LRRC56: variants seen among roughly 807,000 people sequenced by gnomAD.
The protein encoded by LRRC56 is leucine-rich repeat-containing protein 56.
In LRRC56, 41 loss-of-function variants were observed where a neutral mutation model predicts 47.8. That is an observed-to-expected ratio of 0.86 (90% CI 0.67 to 1.11). LRRC56 has a LOEUF of 1.11. Ranked by LOEUF, LRRC56 falls within the 50% of genes most tolerant of loss-of-function variation. The pLI, the probability that LRRC56 is intolerant of heterozygous loss-of-function variation, is 0.00. For missense variants in LRRC56, 759 were observed against 704.2 expected (o/e 1.08, Z -0.88); for synonymous variants, 387 against 311.2 (o/e 1.24, Z -2.56).
At chr11:525,056 G>A in the LRRC56 span, among the ~76,000 whole-genome samples, 11 of 147,818 alleles carry the variant, frequency 7.4e-5, no homozygotes, top group East Asian at 1.8e-3. Flanking sequence ...AGATCTCACC[G>A]CTGCACTCCA....
the LRRC56 span, among the ~76,000 whole-genome samples, chr11:509,391 G>T: frequency 7.7e-4 from 118 of 152,340 alleles, no homozygotes; most frequent in Non-Finnish European, 1.4e-3. Context: ...TAAGAGTGAA[G>T]AAAATGTTTA....
upstream of LRRC56, chr11:532,833 C>A (rs959690532): frequency 6.9e-7 from 1 of 1,457,000 alleles, no homozygotes; most frequent in South Asian, 1.1e-5. Context: ...GCTGTGGGAT[C>A]AAGCCTTGCC....
Position 540,664 on chromosome 11 carries a change from C to T in LRRC56, c.-11-10C>T, listed in dbSNP as rs1373807046. 1 of 1,610,156 alleles carries T rather than the reference C, an allele frequency of 6.2e-7. No individual in the cohort carries two copies. Among genetic ancestry groups the T allele is most frequent in the Non-Finnish European group, 8.5e-7 (1 of 1,178,560 alleles). ...CAGCGTGGAGCTTTGCACTGTGCCT[C>T]TGTCAGCAGGTGACATGTGAATGGA... is the stretch of plus-strand genomic sequence containing the variant. On this transcript the variant is annotated splice_polypyrimidine_tract_variant and intron_variant, in intron 3 of 13. Coordinates refer to ENST00000270115, the MANE Select transcript of LRRC56 (RefSeq NM_198075.4).
rs754073363 is a variant in LRRC56 at position 550,086 on chromosome 11, C to T, written c.438C>T (p.Ser146=). 3 of 1,612,676 alleles carry T rather than the reference C, an allele frequency of 1.9e-6. No individual in the cohort carries two copies. The South Asian group carries it at 3.3e-5, about 18-fold the overall frequency. ...GCGCTGCCCAGGAACTCTACGCCTC[C>T]TACAACAACATCTCGGACCTGAGCC... is the stretch of plus-strand genomic sequence containing the variant. ...SLPALKELYA[S]YNNISDLSPL... The change falls in exon 8 of 14, where the codon TCC becomes TCT. Residue 146 remains serine (S), a synonymous_variant. Transcript: ENST00000270115.
Position 539,550 on chromosome 11 carries a change from A to AT in LRRC56, c.-158-11dup, listed in dbSNP as rs5789201. The AT allele has an allele frequency of 4.6e-3, 600 of 129,522 alleles. 4 individuals are homozygous for AT. The highest frequency in any genetic ancestry group is 0.026 in the Middle Eastern group (6 of 228). The allele number at this position is 129,522 out of a possible 1,614,324, so 8.0% of individuals were successfully genotyped here. A position where few individuals can be genotyped will look rare whatever the true frequency, so the allele number is the denominator to read the frequency against. On this transcript the variant is annotated intron_variant, in intron 2 of 13. Transcript: ENST00000270115. Reference sequence around the variant, plus strand: ...CAGGCACCTGCCACCACGCCAGCTAATTTTTTTTTTTTTTTTTTTGTATTT... The same window carrying AT: ...CAGGCACCTGCCACCACGCCAGCTAATTTTTTTTTTTTTTTTTTTTGTATTT...
chr11:552,784 A>C, intron 13 of LRRC56, 82 bp downstream of exon 13: 4 of 1,224,222 alleles, frequency 3.3e-6, no homozygotes, highest in Non-Finnish European at 4.6e-6. Context: ...ACCCCAGATC[A>C]GATGTGTCAA....
chr11:506,537 C>T, the LRRC56 span: 1 of 152,244 alleles, frequency 6.6e-6, no homozygotes, highest in Non-Finnish European at 1.5e-5. Context: ...CCCCGGTGGT[C>T]CCGGAGCGAA....
Position 551,726 on chromosome 11 carries a change from G to A in LRRC56, c.872G>A (p.Arg291Lys). The change falls in exon 10 of 14, where the codon AGG becomes AAG. Residue 291 changes from arginine to lysine, a missense_variant. Coordinates refer to ENST00000270115, the MANE Select transcript of LRRC56 (RefSeq NM_198075.4). ...CCTGAGACGCAGTCCCGGGCCTCCA[G>A]GCCCTGGCCCTTCTCCCTGCTGGTC... ...SLPETQSRAS[R>K]PWPFSLLVRG... is the part of the protein sequence containing the mutation. The A allele has an allele frequency of 6.2e-7, 1 of 1,611,548 alleles. No individual in the cohort carries two copies. Among genetic ancestry groups the A allele is most frequent in the Non-Finnish European group, 8.5e-7 (1 of 1,179,264 alleles).
At position 554,459 on chromosome 11, in the gene LRRC56, G is replaced by C. The variant is rs909506787; in HGVS notation, c.*183G>C. 4 of 513,088 alleles carry C rather than the reference G, an allele frequency of 7.8e-6. No individual in the cohort carries two copies. The Admixed American group carries it at 1.6e-4, about 20-fold the overall frequency. 31.8% of individuals were successfully genotyped at this position (513,088 alleles called of 1,614,324 possible). ...CCAGCCAGGGAGGCAGCAGAGGCTG[G>C]AACCCAGTTTAGGCCCCCAACTGGG... On this transcript the variant is annotated 3_prime_UTR_variant, in exon 14 of 14. Coordinates refer to ENST00000270115, the MANE Select transcript of LRRC56 (RefSeq NM_198075.4).
rs1447892390 is a variant in LRRC56 at position 550,087 on chromosome 11, T to G, written c.439T>G (p.Tyr147Asp). The change falls in exon 8 of 14, where the codon TAC becomes GAC. Residue 147 changes from tyrosine (Y) to aspartate (D), a missense_variant. Tyr to Asp is a radical substitution (Grantham distance 160). Coordinates refer to ENST00000270115, the MANE Select transcript of LRRC56 (RefSeq NM_198075.4). ...CGCTGCCCAGGAACTCTACGCCTCC[T>G]ACAACAACATCTCGGACCTGAGCCC... ...LPALKELYAS[Y>D]NNISDLSPLC... 9.3e-6 allele frequency: 15 copies of G among 1,612,532 alleles called. No individual in the cohort carries two copies. The highest frequency in any genetic ancestry group is 1.3e-5 in the Non-Finnish European group (15 of 1,179,334).
At chr11:534,930 G>A (rs936796843), upstream of LRRC56, among the ~76,000 whole-genome samples, 6 of 152,250 alleles carry the variant, frequency 3.9e-5, no homozygotes, top group Admixed American at 3.3e-4. Flanking sequence ...AGCTGGAGAA[G>A]ACAGAGGAGC....
intron 6 of LRRC56, among the ~76,000 whole-genome samples, chr11:546,834 C>T (rs1201410828): frequency 6.6e-6 from 1 of 151,840 alleles, no homozygotes; most frequent in Non-Finnish European, 1.5e-5. Flanking sequence ...AGGCGGATCA[C>T]GAGGTCAGGA....
At chr11:532,764 G>A (rs763872424), upstream of LRRC56, 2 of 1,612,070 alleles carry the variant, frequency 1.2e-6, no homozygotes, top group Non-Finnish European at 1.7e-6. Context: ...CCCTGGGAAA[G>A]GAGGGATGGG....
chr11:532,794 T>C, upstream of LRRC56: 2 of 1,603,004 alleles, frequency 1.2e-6, no homozygotes, highest in Non-Finnish European at 1.7e-6. Flanking sequence ...GACCGGCCTG[T>C]GGCCGCCTGC....
chr11:527,317 C>T, the LRRC56 span, among the ~76,000 whole-genome samples: 6 of 152,096 alleles, frequency 3.9e-5, no homozygotes, highest in South Asian at 2.1e-4. Flanking sequence ...AAATTTGCAA[C>T]GTGCCGTGTG....
chr11:535,226 C>T (rs1464585379), upstream of LRRC56: 1 of 149,686 alleles, frequency 6.7e-6, no homozygotes, highest in Non-Finnish European at 1.5e-5. Context: ...GAAGGGGCCC[C>T]CGCCCGCCGC....
At chr11:544,848 G>T in intron 6 of LRRC56, 68 bp downstream of exon 6, 4 of 1,243,088 alleles carry the variant, frequency 3.2e-6, no homozygotes, top group Non-Finnish European at 3.4e-6. Flanking sequence ...GCCCTGCAGG[G>T]ATGGGGGGAG....
chr11:528,190 G>C, the LRRC56 span, among the ~76,000 whole-genome samples: 1 of 152,224 alleles, frequency 6.6e-6, no homozygotes, highest in Non-Finnish European at 1.5e-5. Context: ...GAGAGTTTAC[G>C]CGTGGCCTTG....
In LRRC56 at chr11:554,825, G is replaced by A. The variant is rs1302437420; in HGVS notation, c.*549G>A. ...CCTCCTCTTGGCGCAGGACGCCCCG[G>A]AACCCAAACCAACATTTCCAGCTCT... On this transcript the variant is annotated 3_prime_UTR_variant, in exon 14 of 14. Coordinates refer to ENST00000270115, the MANE Select transcript of LRRC56 (RefSeq NM_198075.4). 1.7e-6 allele frequency: 1 copy of A among 586,930 alleles called. No homozygotes were observed. Among genetic ancestry groups the A allele is most frequent in the Non-Finnish European group, 2.8e-6 (1 of 356,960 alleles). 36.4% of individuals were successfully genotyped at this position (586,930 alleles called of 1,614,324 possible).
Sources: allele counts gnomAD v4.1 joint callset (sites outside exome capture counted in the v4.1 genomes callset), GRCh38; gene constraint gnomAD v4.1.1; transcripts MANE v1.5; gene names NCBI Gene and HGNC (gene_info 2026-07-23, HGNC 2026-07-21).